The following MPP7 variants were observed in gnomAD, a reference collection of about 807,000 sequenced individuals.
MPP7 encodes the protein MAGUK p55 scaffold protein 7.
A neutral mutation model predicts 76.5 loss-of-function variants in MPP7; 60 were observed. The ratio of observed to expected loss-of-function variants is 0.78; its 90% CI spans 0.64 to 0.97. The LOEUF (loss-of-function observed/expected upper bound fraction) is 0.97. Ranked by LOEUF, MPP7 falls within the 50% of genes least tolerant of loss-of-function variation. The pLI, the probability that MPP7 is intolerant of heterozygous loss-of-function variation, is 0.00. For synonymous variants in MPP7, 237 were observed against 244.5 expected, an observed-to-expected ratio of 0.97 and a Z score of 0.29; for missense variants, 641 against 694.0, an observed-to-expected ratio of 0.92 and a Z score of 0.86.
intron 2 of MPP7, among the ~76,000 whole-genome samples, chr10:28,215,059 C>G (rs1167859204): frequency 6.6e-6 from 1 of 152,064 alleles, no homozygotes; most frequent in Admixed American, 6.6e-5. Flanking sequence ...CAGAAAACAG[C>G]AAGAAAACCT....
intron 1 of MPP7, among the ~76,000 whole-genome samples, chr10:28,255,591 G>C (rs950726379): frequency 6.6e-6 from 1 of 151,768 alleles, no homozygotes; most frequent in Non-Finnish European, 1.5e-5. Context: ...ATTTTTAGTA[G>C]AGTCAGGGTT....
chr10:28,330,926 G>T (rs576147748), intron 1 of MPP7, among the ~76,000 whole-genome samples: 1 of 152,198 alleles, frequency 6.6e-6, no homozygotes, highest in Admixed American at 6.5e-5. Flanking sequence ...CTCCCAAAAT[G>T]CCAGTATTAC....
intron 3 of MPP7, among the ~76,000 whole-genome samples, chr10:28,168,982 T>C (rs1836584042): frequency 6.6e-6 from 1 of 152,240 alleles, no homozygotes; most frequent in Non-Finnish European, 1.5e-5. Flanking sequence ...TCTACAGTAC[T>C]GTCCCAGTTC....
At chr10:28,260,337 AG>A (rs1288011560) in intron 1 of MPP7, among the ~76,000 whole-genome samples, 1 of 152,218 alleles carries the variant, frequency 6.6e-6, no homozygotes, top group African/African-American at 2.4e-5. Context: ...TGTATGCATT[AG>A]TTAATGATCT....
intron 1 of MPP7, among the ~76,000 whole-genome samples, chr10:28,251,354 C>T (rs563210302): frequency 6.6e-6 from 1 of 151,726 alleles, no homozygotes; most frequent in Non-Finnish European, 1.5e-5. Context: ...CCCAGCTACT[C>T]GGGAGGCTGA....
intron 1 of MPP7, among the ~76,000 whole-genome samples, chr10:28,264,241 C>T (rs758129950): frequency 4.6e-5 from 7 of 152,016 alleles, no homozygotes; most frequent in Non-Finnish European, 8.8e-5. Flanking sequence ...CAGTGAGCTA[C>T]GATTGCACCA....
upstream of MPP7, among the ~76,000 whole-genome samples, chr10:28,307,008 C>CCCTAAT (rs1192671352): frequency 6.6e-6 from 1 of 152,058 alleles, no homozygotes; most frequent in Non-Finnish European, 1.5e-5. Flanking sequence ...CTAACCCTAA[C>CCCTAAT]CCTAATCATA....
chr10:28,326,280 C>T (rs1157127882), intron 2 of MPP7, among the ~76,000 whole-genome samples: 1 of 151,936 alleles, frequency 6.6e-6, no homozygotes, highest in African/African-American at 2.4e-5. Context: ...TTTAGGAAAT[C>T]AATCAGTGTG....
At chr10:28,225,188 A>C (rs1222896822) in intron 2 of MPP7, among the ~76,000 whole-genome samples, 1 of 152,192 alleles carries the variant, frequency 6.6e-6, no homozygotes, top group Non-Finnish European at 1.5e-5. Context: ...ATGGATCAAC[A>C]ACCTAAATAT....
intron 3 of MPP7, among the ~76,000 whole-genome samples, chr10:28,175,915 G>A (rs1434168371): frequency 6.6e-6 from 1 of 152,016 alleles, no homozygotes; most frequent in African/African-American, 2.4e-5. Flanking sequence ...TAAACAATGG[G>A]GCAGAGTAAA....
intron 3 of MPP7, among the ~76,000 whole-genome samples, chr10:28,171,805 T>C (rs990562561): frequency 6.6e-6 from 1 of 152,206 alleles, no homozygotes; most frequent in Non-Finnish European, 1.5e-5. Context: ...TTGTATAGTC[T>C]TTCTACACAG....
chr10:28,099,496 G>A (rs1853715725), intron 11 of MPP7, among the ~76,000 whole-genome samples: 1 of 152,150 alleles, frequency 6.6e-6, no homozygotes, highest in Admixed American at 6.5e-5. Flanking sequence ...ATTAGAGAAG[G>A]AGCCACTCTA....
intron 12 of MPP7, among the ~76,000 whole-genome samples, chr10:28,086,667 C>G (rs1853025731): frequency 6.6e-6 from 1 of 152,184 alleles, no homozygotes; most frequent in Admixed American, 6.5e-5. Flanking sequence ...ACGACCGTTT[C>G]AACTGCTGAC....
intron 11 of MPP7, among the ~76,000 whole-genome samples, chr10:28,092,996 T>C (rs2133467019): frequency 6.6e-6 from 1 of 152,166 alleles, no homozygotes; most frequent in Admixed American, 6.5e-5. Context: ...TTGCAGAATT[T>C]AGTTATCCCA....
chr10:28,118,792 A>G, intron 11 of MPP7: 1 of 985,418 alleles, frequency 1.0e-6, no homozygotes, highest in Non-Finnish European at 1.2e-6. Context: ...TTCCTGGGCT[A>G]TATGCTTCTG....
chr10:28,310,381 A>G (rs1841283129), intron 2 of MPP7, among the ~76,000 whole-genome samples: 3 of 152,100 alleles, frequency 2.0e-5, no homozygotes, highest in African/African-American at 7.2e-5. Context: ...AGTTCTTCCC[A>G]GCTCAGGTTC....
chr10:28,057,635 T>TTTTTTTTTA (rs1851612653), intron 15 of MPP7: 6 of 372,144 alleles, frequency 1.6e-5, no homozygotes, highest in Admixed American at 5.7e-5. Flanking sequence ...TTTTTTTTTT[T>TTTTTTTTTA]AGTAAATTAC....
chr10:28,264,898 GGAA>G lies in MPP7; in HGVS notation c.-131-26166_-131-26164del, dbSNP rs570819816. 3.6e-3 allele frequency among the ~76,000 whole-genome samples: 551 copies of G among 152,242 alleles called. 1 individual carries two copies. The highest frequency in any genetic ancestry group is 5.2e-3 in the Non-Finnish European group (357 of 68,018). ...AGAAGCCAAGGAAGAGAGACTTTCAGGAAGAAGGCACAGTCCTCATCTCCAAAT... is the reference window on the plus strand; with the variant it reads ...AGAAGCCAAGGAAGAGAGACTTTCAGGAAGGCACAGTCCTCATCTCCAAAT... On this transcript the variant is annotated intron_variant, in intron 1 of 16. Coordinates refer to ENST00000683449, the MANE Select transcript of MPP7 (RefSeq NM_001318170.2).
intron 2 of MPP7, among the ~76,000 whole-genome samples, chr10:28,219,355 A>C (rs1838418979): frequency 6.6e-6 from 1 of 152,204 alleles, no homozygotes; most frequent in East Asian, 1.9e-4. Flanking sequence ...TAAGAGAATA[A>C]ATGGCTCAGA....
Sources: allele counts gnomAD v4.1 joint callset (sites outside exome capture counted in the v4.1 genomes callset), GRCh38; gene constraint gnomAD v4.1.1; transcripts MANE v1.5; gene names NCBI Gene and HGNC (gene_info 2026-07-23, HGNC 2026-07-21).